Variants in KIAA1217 observed in about 807,000 individuals in gnomAD.
KIAA1217 encodes the protein KIAA1217.
Under a neutral mutation model 163.9 loss-of-function variants are expected in KIAA1217, and 88 were observed. That is an observed-to-expected ratio of 0.54 (90% confidence interval 0.45 to 0.64). KIAA1217 has a LOEUF of 0.64. Among genes scored for constraint, KIAA1217 ranks in the 30% least tolerant of loss-of-function variants. The pLI is 0.00. For synonymous variants in KIAA1217, 903 were observed against 923.1 expected (o/e 0.98, Z 0.39); for missense variants, 2,372 against 2,475.0 (o/e 0.96, Z 0.88).
intron 2 of KIAA1217, among the ~76,000 whole-genome samples, chr10:24,265,600 T>G (rs1055795357): frequency 6.6e-6 from 1 of 152,170 alleles, no homozygotes; most frequent in African/African-American, 2.4e-5. Context: ...GTCTTCTTCC[T>G]CTCTTAATGT....
At chr10:24,176,414 C>A (rs559748305) in intron 2 of KIAA1217, among the ~76,000 whole-genome samples, 1 of 152,260 alleles carries the variant, frequency 6.6e-6, no homozygotes, top group African/African-American at 2.4e-5. Context: ...TTTAGCTAGA[C>A]ACAGAGTGCT....
intron 3 of KIAA1217, among the ~76,000 whole-genome samples, chr10:24,426,009 T>C (rs2059140866): frequency 6.6e-6 from 1 of 152,222 alleles, no homozygotes; most frequent in Non-Finnish European, 1.5e-5. Context: ...GAATCCTTTA[T>C]ATATTTAAGG....
At chr10:24,161,498 C>T (rs1348460546) in intron 2 of KIAA1217, among the ~76,000 whole-genome samples, 1 of 152,208 alleles carries the variant, frequency 6.6e-6, no homozygotes, top group Non-Finnish European at 1.5e-5. Flanking sequence ...ACACACAAGA[C>T]TTTTCTGTCC....
chr10:24,000,309 C>T (rs1346430421), intron 1 of KIAA1217, among the ~76,000 whole-genome samples: 2 of 152,086 alleles, frequency 1.3e-5, no homozygotes, highest in Non-Finnish European at 2.9e-5. Flanking sequence ...GGGCAGTTAC[C>T]CTCATGCTGT....
chr10:24,355,728 C>CTTTT lies in KIAA1217; in HGVS notation c.355-25106_355-25103dup, dbSNP rs869211148. 8.4e-4 allele frequency among the ~76,000 whole-genome samples: 27 copies of CTTTT among 32,218 alleles called. 8 individuals carry two copies. Among genetic ancestry groups the CTTTT allele is most frequent in the Non-Finnish European group, 1.4e-3 (19 of 14,002 alleles). 21.1% of individuals were successfully genotyped at this position (32,218 alleles called of 152,430 possible). On this transcript the variant is annotated intron_variant, in intron 2 of 20. Coordinates refer to ENST00000376454, the MANE Select transcript of KIAA1217 (RefSeq NM_019590.5). ...GAGATGAGCATAGCAAGTCCTCACTCTTTTTTTTTTTTTTTTTTTTTTTTT... is the reference window on the plus strand; with the variant it reads ...GAGATGAGCATAGCAAGTCCTCACTCTTTTTTTTTTTTTTTTTTTTTTTTTTTTT...
rs140216770 is a variant in KIAA1217 at position 23,827,358 on chromosome 10, C to T, written c.-321+132124C>T. On this transcript the variant is annotated intron_variant, in intron 1 of 18. Transcript: ENST00000376462. The stretch of plus-strand genomic sequence containing the variant: ...AGGCTGATAGTAAAATCTTAGGTAC[C>T]TTTGTTTCCATTGATTTCTTGCACC... 5.2e-3 allele frequency among the ~76,000 whole-genome samples: 788 copies of T among 152,208 alleles called. 5 individuals carry two copies. The highest frequency in any genetic ancestry group is 0.018 in the African/African-American group (761 of 41,524).
At chr10:23,704,172 G>GTGTGTATATATATATATATA (rs1229370789) in intron 1 of KIAA1217, among the ~76,000 whole-genome samples, 7 of 39,946 alleles carry the variant, frequency 1.8e-4, no homozygotes, top group Admixed American at 3.1e-4. Flanking sequence ...GTGTGTGTGT[G>GTGTGTATATATATATATATA]TATATATATA....
At chr10:24,090,434 G>A (rs11013892) in intron 2 of KIAA1217, among the ~76,000 whole-genome samples, 9,825 of 143,456 alleles carry the variant, frequency 0.068, 1,256 homozygotes, top group African/African-American at 0.25. Flanking sequence ...CCCACCTCAG[G>A]CTCCCAAAGT....
In KIAA1217 at chr10:23,842,807, T is replaced by TA. The variant is rs141422524; in HGVS notation, c.-321+147579dup. Among the ~76,000 whole-genome samples, 1,233 of 152,112 alleles carry TA rather than the reference T, an allele frequency of 8.1e-3. 24 individuals carry two copies. Among genetic ancestry groups the TA allele is most frequent in the African/African-American group, 0.029 (1,183 of 41,492 alleles). On this transcript the variant is annotated intron_variant, in intron 1 of 18. Transcript: ENST00000376462. The stretch of plus-strand genomic sequence containing the variant: ...GCAGAAGAGTTTCCAAAATGGACTT[T>TA]AAAAAATACAATAATTAGAATCTTC...
intron 1 of KIAA1217, among the ~76,000 whole-genome samples, chr10:23,973,915 C>G (rs1279449077): frequency 3.3e-5 from 5 of 152,142 alleles, no homozygotes; most frequent in African/African-American, 1.2e-4. Context: ...GTTCAACTCT[C>G]TGGGACAATC....
chr10:24,491,262 G>T (rs1675498161), intron 6 of KIAA1217, among the ~76,000 whole-genome samples: 3 of 147,478 alleles, frequency 2.0e-5, no homozygotes, highest in African/African-American at 7.5e-5. Flanking sequence ...AATGATTCAG[G>T]TGCTTTGTTT....
chr10:24,362,018 A>G (rs2050106716), intron 2 of KIAA1217, among the ~76,000 whole-genome samples: 1 of 151,886 alleles, frequency 6.6e-6, no homozygotes, highest in South Asian at 2.1e-4. Flanking sequence ...AGAAAGAAAA[A>G]GAAATAGAAT....
At chr10:23,728,098 C>T (rs1249197709) in intron 1 of KIAA1217, among the ~76,000 whole-genome samples, 1 of 152,120 alleles carries the variant, frequency 6.6e-6, no homozygotes, top group Non-Finnish European at 1.5e-5. Flanking sequence ...AATAATGCTG[C>T]AATAAACATA....
intron 2 of KIAA1217, among the ~76,000 whole-genome samples, chr10:24,098,724 C>T (rs966021371): frequency 3.7e-4 from 51 of 139,366 alleles, no homozygotes; most frequent in African/African-American, 1.3e-3. Context: ...TGAAGGGGAG[C>T]GTGTGTGTGT....
chr10:24,443,263 C>G (rs1425170545), intron 5 of KIAA1217, among the ~76,000 whole-genome samples: 1 of 152,032 alleles, frequency 6.6e-6, no homozygotes, highest in African/African-American at 2.4e-5. Flanking sequence ...TATAAGCCCC[C>G]CTGTTTACAG....
chr10:24,273,848 G>A (rs542335135), intron 2 of KIAA1217, among the ~76,000 whole-genome samples: 3 of 147,746 alleles, frequency 2.0e-5, no homozygotes, highest in African/African-American at 7.5e-5. Flanking sequence ...ACAAGACTCT[G>A]TCTCAAAAAA....
At chr10:24,013,275 G>C (rs1564610550) in intron 2 of KIAA1217, among the ~76,000 whole-genome samples, 1 of 151,906 alleles carries the variant, frequency 6.6e-6, no homozygotes, top group Non-Finnish European at 1.5e-5. Context: ...AGCTTCGTTT[G>C]GGCATGAGTT....
At chr10:24,282,954 C>T (rs2078126667) in intron 2 of KIAA1217, among the ~76,000 whole-genome samples, 1 of 150,470 alleles carries the variant, frequency 6.6e-6, no homozygotes, top group African/African-American at 2.4e-5. Context: ...CTGCCTTAGC[C>T]TCCCGAGTAA....
chr10:23,838,409 C>G (rs1363967321), intron 1 of KIAA1217, among the ~76,000 whole-genome samples: 1 of 151,966 alleles, frequency 6.6e-6, no homozygotes, highest in East Asian at 1.9e-4. Context: ...TGAAAAATGA[C>G]ACTTCATGGC....
Sources: gnomAD v4.1 joint callset for allele counts (sites outside exome capture counted in the v4.1 genomes callset) on GRCh38, gnomAD v4.1.1 for gene constraint, MANE v1.5 for transcripts, NCBI Gene and HGNC (gene_info 2026-07-23, HGNC 2026-07-21) for gene names.